The following KTN1 variants were observed in gnomAD, a reference collection of about 807,000 sequenced individuals.
KTN1 encodes kinectin.
Under a neutral mutation model 222.5 loss-of-function variants are expected in KTN1, and 130 were observed. The observed-to-expected ratio is 0.58, with a 90% CI of 0.51 to 0.68. The LOEUF (loss-of-function observed/expected upper bound fraction) is 0.68. KTN1 is among the 30% of genes least tolerant of loss of function. The probability of loss-of-function intolerance (pLI) is 0.00; values close to 1 mark genes in which losing one functional copy is unlikely to be tolerated. For missense variants in KTN1, 1,508 were observed against 1,500.4 expected, an observed-to-expected ratio of 1.01 and a Z score of -0.08; for synonymous variants, 512 against 496.3, an observed-to-expected ratio of 1.03 and a Z score of -0.42.
rs71131297 is a variant in KTN1 at position 55,591,581 on chromosome 14, CTTTTTTTTTT to C, written c.-31+11242_-31+11251del. Among the ~76,000 whole-genome samples, 23 of 87,716 alleles carry C rather than the reference CTTTTTTTTTT, an allele frequency of 2.6e-4. No homozygotes were observed. The East Asian group carries it at 6.1e-3, about 23-fold the overall frequency. 57.5% of individuals were successfully genotyped at this position (87,716 alleles called of 152,430 possible). ...CTTGCATTTCTTTCTTTCTCTCTTT[CTTTTTTTTTT>C]TTTTTTTTTTTTTTGAGACGGAATT... On this transcript the variant is annotated intron_variant, in intron 1 of 43. Transcript: ENST00000395314.
rs559747206 is a variant in KTN1 at position 55,678,366 on chromosome 14, G to A, written c.3870G>A (p.Leu1290=). 1.2e-6 allele frequency: 2 copies of A among 1,606,078 alleles called. No individual in the cohort carries two copies. The highest frequency in any genetic ancestry group is 4.5e-5 in the East Asian group (2 of 44,814). The change falls in exon 42 of 44, where the codon CTG becomes CTA. Residue 1290 remains leucine (L), a synonymous_variant. Coordinates refer to ENST00000395314, the MANE Select transcript of KTN1 (RefSeq NM_001079521.2). ...AGDLHKAQQS[L]ELIQSKIVKA... Reference sequence around the variant, plus strand: ...TTTCCTTATAGGCTCAACAGTCACTGGAGCTTATCCAGTCAAAAATAGTAA... The same window carrying A: ...TTTCCTTATAGGCTCAACAGTCACTAGAGCTTATCCAGTCAAAAATAGTAA...
intron 6 of KTN1, among the ~76,000 whole-genome samples, chr14:55,629,164 C>G (rs936724675): frequency 6.6e-6 from 1 of 152,098 alleles, no homozygotes; most frequent in African/African-American, 2.4e-5. Context: ...TGCCTGTAAT[C>G]CCAGCACTTT....
intron 1 of KTN1, among the ~76,000 whole-genome samples, chr14:55,597,173 C>T (rs1050065472): frequency 3.3e-5 from 5 of 152,052 alleles, no homozygotes; most frequent in African/African-American, 1.2e-4. Context: ...GTGTTGGGCT[C>T]CCAGATAGAT....
rs376187867 is a variant in KTN1, at chr14:55,648,783, T to G, written c.2299-19T>G. ...TTCAGAGAGTAAAATCATGTTTTGC[T>G]TATGTGTCTTTGAAAAAGGCAATAA... On this transcript the variant is annotated intron_variant, in intron 20 of 43. Coordinates refer to ENST00000395314, the MANE Select transcript of KTN1 (RefSeq NM_001079521.2). The G allele has an allele frequency of 2.6e-6, 4 of 1,534,348 alleles. No individual in the cohort carries two copies. Among genetic ancestry groups the G allele is most frequent in the African/African-American group, 2.7e-5 (2 of 73,154 alleles).
chr14:55,672,877 A>G, intron 38 of KTN1, 52 bp from the exon 39 acceptor site: 1 of 1,440,236 alleles, frequency 6.9e-7, no homozygotes, highest in Non-Finnish European at 9.8e-7. Context: ...GTGGGGAAAT[A>G]TTATGAAAGG....
intron 2 of KTN1, among the ~76,000 whole-genome samples, chr14:55,613,162 G>A (rs562352445): frequency 1.8e-4 from 27 of 152,298 alleles, no homozygotes; most frequent in African/African-American, 6.0e-4. Flanking sequence ...CGAGGTAGTC[G>A]TGTGCTAGCT....
At chr14:55,652,468 G>A (rs542807913) in intron 25 of KTN1, among the ~76,000 whole-genome samples, 2 of 142,190 alleles carry the variant, frequency 1.4e-5, no homozygotes, top group South Asian at 2.2e-4. Flanking sequence ...GCATGATCTC[G>A]GCTCACTGCA....
In KTN1 at chr14:55,673,382, A is replaced by G. The variant is rs971764879; in HGVS notation, c.3771+127A>G. The G allele has an allele frequency of 5.4e-6, 3 of 558,730 alleles. No individual in the cohort carries two copies. In the East Asian group the frequency reaches 8.7e-5, roughly 16 times the overall value. The allele number at this position is 558,730 out of a possible 1,614,324, so 34.6% of individuals were successfully genotyped here. A position where few individuals can be genotyped will look rare whatever the true frequency, so the allele number is the denominator to read the frequency against. On this transcript the variant is annotated intron_variant, in intron 40 of 43. Transcript: ENST00000395314. The stretch of plus-strand genomic sequence containing the variant: ...AGCTTGGCCTTTTTGTAAGTCTAAG[A>G]TAATCTTCATATTCCGATGATTCCT...
intron 29 of KTN1, among the ~76,000 whole-genome samples, chr14:55,657,861 T>A (rs10145874): frequency 6.6e-6 from 1 of 151,652 alleles, no homozygotes; most frequent in Non-Finnish European, 1.5e-5. Context: ...CTGCAGTGAG[T>A]TAAGATCACA....
chr14:55,629,795 G>A (rs142993780), intron 6 of KTN1, among the ~76,000 whole-genome samples, 162 bp from the exon 7 acceptor site: 4 of 152,272 alleles, frequency 2.6e-5, no homozygotes, highest in African/African-American at 9.6e-5. Context: ...GCAGAAGACT[G>A]TTTTTAAAAT....
chr14:55,583,937 A>C (rs1216238309), intron 1 of KTN1, among the ~76,000 whole-genome samples: 5 of 152,206 alleles, frequency 3.3e-5, no homozygotes, highest in Admixed American at 6.5e-5. Flanking sequence ...TTATCTTGAA[A>C]ATATAACCAG....
At chr14:55,654,112 G>T (rs1010951390) in intron 28 of KTN1, among the ~76,000 whole-genome samples, 9 of 152,168 alleles carry the variant, frequency 5.9e-5, no homozygotes, top group Non-Finnish European at 1.2e-4. Flanking sequence ...GTCAGTTTCT[G>T]TAGATATTAA....
At chr14:55,635,406 A>C (rs896020219) in intron 9 of KTN1, among the ~76,000 whole-genome samples, 1 of 152,216 alleles carries the variant, frequency 6.6e-6, no homozygotes, top group Non-Finnish European at 1.5e-5. Flanking sequence ...CAGTAGGTCC[A>C]GCAGAACCTA....
At chr14:55,640,880 G>C (rs1238280061) in intron 15 of KTN1, 53 bp from the exon 16 acceptor site, 1 of 1,490,978 alleles carries the variant, frequency 6.7e-7, no homozygotes, top group Non-Finnish European at 9.3e-7. Flanking sequence ...GAAAAAAATA[G>C]TTTTGAGCAC....
chr14:55,651,521 A>G, intron 24 of KTN1: 1 of 375,950 alleles, frequency 2.7e-6, no homozygotes, highest in Non-Finnish European at 5.1e-6. Flanking sequence ...AATTTTCAGT[A>G]CTGTAGAAGT....
chr14:55,655,098 C>T (rs1260987141), intron 28 of KTN1, among the ~76,000 whole-genome samples: 1 of 152,064 alleles, frequency 6.6e-6, no homozygotes, highest in African/African-American at 2.4e-5. Context: ...AAGCGATCCT[C>T]CCACCTCAGC....
At chr14:55,596,154 CAAA>C (rs71448460) in intron 1 of KTN1, among the ~76,000 whole-genome samples, 6 of 61,128 alleles carry the variant, frequency 9.8e-5, no homozygotes, top group Admixed American at 2.0e-4. Flanking sequence ...GACTCAATAG[CAAA>C]AAAAAAAAAA....
chr14:55,612,044 G>A lies in KTN1; in HGVS notation c.-5G>A. 1 of 1,410,964 alleles carries A rather than the reference G, an allele frequency of 7.1e-7. No individual in the cohort carries two copies. The allele number at this position is 1,410,964 out of a possible 1,614,324, so 87.4% of individuals were successfully genotyped here. ...GTTTTATAGGATCACATTGACAAAA[G>A]TACCATGGAGTTTTATGAGTCAGCA... is the stretch of plus-strand genomic sequence containing the variant. On this transcript the variant is annotated 5_prime_UTR_variant, in exon 2 of 44. Transcript: ENST00000395314.
intron 3 of KTN1, among the ~76,000 whole-genome samples, chr14:55,617,649 ATAAT>A (rs1484542092): frequency 6.6e-6 from 1 of 152,240 alleles, no homozygotes; most frequent in Admixed American, 6.5e-5. Context: ...TTAAGTGGAA[ATAAT>A]TCTTATATTA....
Sources: allele counts gnomAD v4.1 joint callset (sites outside exome capture counted in the v4.1 genomes callset), GRCh38; gene constraint gnomAD v4.1.1; transcripts MANE v1.5; gene names NCBI Gene and HGNC (gene_info 2026-07-23, HGNC 2026-07-21).